Variants in P2RY11 observed in about 807,000 individuals in gnomAD.
P2RY11 encodes the protein purinergic receptor P2Y11.
In P2RY11, 3 loss-of-function variants were observed where a neutral mutation model predicts 2.4. That is an observed-to-expected ratio of 1.22 (90% confidence interval 0.56 to 3.17). The LOEUF (loss-of-function observed/expected upper bound fraction) is 3.17, where lower values mean the gene tolerates loss of function less well. P2RY11 is among the 30% of genes most tolerant of loss of function. The pLI is 0.03. For missense variants in P2RY11, 670 were observed against 528.2 expected (o/e 1.27, Z -2.63); for synonymous variants, 307 against 237.3 (o/e 1.29, Z -2.70).
rs368706939 is a variant in P2RY11 at position 10,114,514 on chromosome 19, G to A, written c.901G>A (p.Val301Met). ...AGCAGCCCTGGAGCTGGGGCCCTAC[G>A]TGGGCTACCAGGTGATGCGGGGCCT... ...ATAALELGPY[V>M]GYQVMRGLMP... The change falls in exon 2 of 2, where the codon GTG becomes ATG. Residue 301 changes from valine (V) to methionine (M), a missense_variant. Physicochemically the swap from Val to Met is conservative, Grantham distance 21 (BLOSUM62 1). Coordinates refer to ENST00000321826, the MANE Select transcript of P2RY11 (RefSeq NM_002566.5). The A allele has an allele frequency of 2.1e-5, 33 of 1,609,162 alleles. No homozygotes were observed. The highest frequency in any genetic ancestry group is 1.3e-4 in the Admixed American group (8 of 59,912).
chr19:10,112,148 C>G (rs112492840), intron 1 of P2RY11: 2 of 178,322 alleles, frequency 1.1e-5, no homozygotes, highest in East Asian at 1.7e-4. Flanking sequence ...TGTGGTGATG[C>G]GAGCCTGTGA....
In P2RY11 at chr19:10,114,126, G is replaced by C. The variant is rs377463873; in HGVS notation, c.513G>C (p.Lys171Asn). ...AMPTLSFSHL[K>N]RPQQGAGNCS... Reference sequence around the variant, plus strand: ...CCACACTCAGCTTCTCCCACCTGAAGAGGCCGCAGCAGGGGGCGGGCAACT... The same window carrying C: ...CCACACTCAGCTTCTCCCACCTGAACAGGCCGCAGCAGGGGGCGGGCAACT... The change falls in exon 2 of 2, where the codon AAG (lysine) becomes AAC (asparagine). Residue 171 changes from lysine (K) to asparagine (N), a missense_variant. By Grantham distance (94) the Lys-to-Asn change is moderately conservative. Coordinates refer to ENST00000321826, the MANE Select transcript of P2RY11 (RefSeq NM_002566.5). 3.1e-5 allele frequency: 50 copies of C among 1,601,120 alleles called. No individual in the cohort carries two copies. Among genetic ancestry groups the C allele is most frequent in the African/African-American group, 2.8e-4 (21 of 75,048 alleles).
rs1003246665 is a variant in P2RY11, at chr19:10,115,266, A to G, written c.*528A>G. 7.3e-6 allele frequency: 9 copies of G among 1,236,412 alleles called. No homozygotes were observed. In the African/African-American group the frequency reaches 1.3e-4, roughly 18 times the overall value. The allele number at this position is 1,236,412 out of a possible 1,614,324, so 76.6% of individuals were successfully genotyped here. A position where few individuals can be genotyped will look rare whatever the true frequency, so the allele number is the denominator to read the frequency against. On this transcript the variant is annotated 3_prime_UTR_variant, in exon 2 of 2. Transcript: ENST00000321826. ...GAAGCGGGCACGGAGCCAGATGGCC[A>G]GTCTCCAGGCCTGGTCCACGGACTG...
At position 10,115,106 on chromosome 19, in the gene P2RY11, C is replaced by T. The variant is rs1384983315; in HGVS notation, c.*368C>T. The stretch of plus-strand genomic sequence containing the variant: ...GGGTCCCGGACCGAGTACACAGTGG[C>T]AGCTGGCTTAGTTGGTGGACGGCCT... On this transcript the variant is annotated 3_prime_UTR_variant, in exon 2 of 2. Coordinates refer to ENST00000321826, the MANE Select transcript of P2RY11 (RefSeq NM_002566.5). 2 of 1,613,996 alleles carry T rather than the reference C, an allele frequency of 1.2e-6. No homozygotes were observed. Among genetic ancestry groups the T allele is most frequent in the African/African-American group, 2.7e-5 (2 of 75,054 alleles).
chr19:10,115,309 A>G lies in P2RY11; in HGVS notation c.*571A>G. ...ACGGACTGGCAGGGACCCCAGGCAC[A>G]AGAGCTGCCACCCCTCTGCCCGGTT... On this transcript the variant is annotated 3_prime_UTR_variant, in exon 2 of 2. Coordinates refer to ENST00000321826, the MANE Select transcript of P2RY11 (RefSeq NM_002566.5). 1.8e-6 allele frequency: 2 copies of G among 1,103,176 alleles called. No individual in the cohort carries two copies. Among genetic ancestry groups the G allele is most frequent in the Non-Finnish European group, 1.3e-6 (1 of 783,376 alleles). The allele number at this position is 1,103,176 out of a possible 1,614,324, so 68.3% of individuals were successfully genotyped here. A position where few individuals can be genotyped will look rare whatever the true frequency, so the allele number is the denominator to read the frequency against.
At position 10,114,737 on chromosome 19, in the gene P2RY11, G is replaced by T. The variant is rs777119222; in HGVS notation, c.1124G>T (p.Ter375LeuextTer11). 1 of 1,600,540 alleles carries T rather than the reference G, an allele frequency of 6.2e-7. No homozygotes were observed. Among genetic ancestry groups the T allele is most frequent in the Non-Finnish European group, 8.5e-7 (1 of 1,171,058 alleles). Residue 375 changes from the stop codon to leucine (L), a stop_lost, in exon 2 of 2, where the codon TGA becomes TTA. Coordinates refer to ENST00000321826, the MANE Select transcript of P2RY11 (RefSeq NM_002566.5). ...CCCCAGTCCCGTGAGCTGAGCCAATGATGTGGCCTAGCGGAAGCTGCCTCC... is the reference window on the plus strand; with the variant it reads ...CCCCAGTCCCGTGAGCTGAGCCAATTATGTGGCCTAGCGGAAGCTGCCTCC... ...SEPQSRELSQ* is the reference protein window; with the variant it reads ...SEPQSRELSQL
chr19:10,113,810 T>C lies in P2RY11; in HGVS notation c.197T>C (p.Val66Ala). The C allele has an allele frequency of 6.2e-7, 1 of 1,613,914 alleles. No individual in the cohort carries two copies. Among genetic ancestry groups the C allele is most frequent in the Non-Finnish European group, 8.5e-7 (1 of 1,179,962 alleles). ...CAGCGCCCATGGCACCCCGCCGTGG[T>C]CTTCTCTGTCCAGCTGGCAGTCAGC... ...RKQRPWHPAVVFSVQLAVSDL... is the reference protein window; with the variant it reads ...RKQRPWHPAVAFSVQLAVSDL... The change falls in exon 2 of 2, where the codon GTC becomes GCC. Residue 66 changes from valine (V) to alanine (A), a missense_variant. Coordinates refer to ENST00000321826, the MANE Select transcript of P2RY11 (RefSeq NM_002566.5).
In P2RY11 at chr19:10,113,678, AACTCAGTGG is replaced by A; in HGVS notation, c.66_74del (p.Leu23_Gly25del). On this transcript the variant is annotated inframe_deletion, in exon 2 of 2. Coordinates refer to ENST00000321826, the MANE Select transcript of P2RY11 (RefSeq NM_002566.5). Reference sequence around the variant, plus strand: ...AACTTCTTGGCAGCTGCCGACGACAAACTCAGTGGGTTCCAGGGGGACTTCCTGTGGCCC... The same window carrying A: ...AACTTCTTGGCAGCTGCCGACGACAAGTTCCAGGGGGACTTCCTGTGGCCC... 2 of 1,582,382 alleles carry A rather than the reference AACTCAGTGG, an allele frequency of 1.3e-6. No homozygotes were observed. The highest frequency in any genetic ancestry group is 8.6e-7 in the Non-Finnish European group (1 of 1,161,642).
chr19:10,114,864 A>G lies in P2RY11; in HGVS notation c.*126A>G, dbSNP rs907342988. The G allele has an allele frequency of 4.1e-6, 6 of 1,462,516 alleles. No individual in the cohort carries two copies. In the African/African-American group the frequency reaches 5.6e-5, roughly 14 times the overall value. The allele number at this position is 1,462,516 out of a possible 1,614,324, so 90.6% of individuals were successfully genotyped here. ...CTGTGCTTGCAGCCAGGTCAGGCCC[A>G]GCTGCAGCCCAGGCAGGAGCAGTCG... On this transcript the variant is annotated 3_prime_UTR_variant, in exon 2 of 2. Transcript: ENST00000321826.
In P2RY11 at chr19:10,113,915, C is replaced by G. The variant is rs181884909; in HGVS notation, c.302C>G (p.Ala101Gly). The change falls in exon 2 of 2, where the codon GCG becomes GGG. Residue 101 changes from alanine (A) to glycine (G), a missense_variant. Ala to Gly is a moderately conservative substitution (Grantham distance 60). Transcript: ENST00000321826. ...PPKHWRYGEA[A>G]CRLERFLFTC... ...AAGCACTGGCGCTATGGGGAGGCCG[C>G]GTGCCGCCTGGAGCGCTTCCTCTTC... The G allele has an allele frequency of 6.2e-7, 1 of 1,605,326 alleles. No homozygotes were observed. The highest frequency in any genetic ancestry group is 1.7e-5 in the Admixed American group (1 of 60,010).
chr19:10,112,464 GC>G (rs768830322), intron 1 of P2RY11: 3 of 152,432 alleles, frequency 2.0e-5, no homozygotes, highest in East Asian at 1.9e-4. Context: ...GGGTAAGCAG[GC>G]CCCCCCATCC....
chr19:10,113,596 GGAATA>G (rs1568490046), intron 1 of P2RY11, 32 bp from the exon 2 acceptor site: 1 of 1,582,510 alleles, frequency 6.3e-7, no homozygotes, highest in East Asian at 2.3e-5. Flanking sequence ...GCCTTATGGG[GGAATA>G]GGGCTCAGCT....
chr19:10,113,676 C>T lies in P2RY11; in HGVS notation c.63C>T (p.Asp21=), dbSNP rs2089167743. 20 of 1,591,500 alleles carry T rather than the reference C, an allele frequency of 1.3e-5. No homozygotes were observed. The highest frequency in any genetic ancestry group is 8.6e-5 in the Admixed American group (5 of 58,060). ...CPANFLAAAD[D]KLSGFQGDFL... is the part of the protein sequence containing the mutation. The stretch of plus-strand genomic sequence containing the variant: ...CCAACTTCTTGGCAGCTGCCGACGA[C>T]AAACTCAGTGGGTTCCAGGGGGACT... The change falls in exon 2 of 2, where the codon GAC becomes GAT. Residue 21 remains aspartate (D), a synonymous_variant. Transcript: ENST00000321826.
chr19:10,112,533 A>G (rs1448851983), intron 1 of P2RY11: 1 of 152,438 alleles, frequency 6.6e-6, no homozygotes, highest in African/African-American at 2.4e-5. Context: ...ATGGGGGAAA[A>G]TAACGCAGGG....
Position 10,115,327 on chromosome 19 carries a change from G to T in P2RY11, c.*589G>T. 8.8e-7 allele frequency: 1 copy of T among 1,130,592 alleles called. No individual in the cohort carries two copies. Among genetic ancestry groups the T allele is most frequent in the Non-Finnish European group, 1.2e-6 (1 of 807,690 alleles). The allele number at this position is 1,130,592 out of a possible 1,614,324, so 70.0% of individuals were successfully genotyped here. On this transcript the variant is annotated 3_prime_UTR_variant, in exon 2 of 2. Coordinates refer to ENST00000321826, the MANE Select transcript of P2RY11 (RefSeq NM_002566.5). ...CAGGCACAAGAGCTGCCACCCCTCT[G>T]CCCGGTTTTGGAAAAAAACAATAAA...
chr19:10,113,675 AC>A lies in P2RY11; in HGVS notation c.63del (p.Asp21GlufsTer60). The A allele has an allele frequency of 1.2e-5, 19 of 1,612,402 alleles. No homozygotes were observed. The highest frequency in any genetic ancestry group is 3.3e-5 in the Admixed American group (2 of 59,778). On this transcript the variant is annotated frameshift_variant, in exon 2 of 2. Coordinates refer to ENST00000321826, the MANE Select transcript of P2RY11 (RefSeq NM_002566.5). LOFTEE classifies it low-confidence loss of function (END_TRUNC). ...GCCAACTTCTTGGCAGCTGCCGACG[AC>A]AAACTCAGTGGGTTCCAGGGGGACT... Reference protein sequence around the residue: ...CPANFLAAADDKLSGFQGDFL... With the variant: ...CPANFLAAADXKLSGFQGDFL...
chr19:10,113,494 A>C (rs2089162296), intron 1 of P2RY11, 139 bp from the exon 2 acceptor site: 4 of 1,275,532 alleles, frequency 3.1e-6, no homozygotes, highest in Non-Finnish European at 4.3e-6. Context: ...CACATAAAGG[A>C]GTGGAGCCCG....
rs1369591592 is a variant in P2RY11 at position 10,113,859 on chromosome 19, G to GC, written c.251dup (p.Leu85AlafsTer122). ...GCGACCTGCTCTGCGCCCTGACGCT[G>GC]CCCCCGCTGGCCGCCTACCTCTATC... On this transcript the variant is annotated frameshift_variant, in exon 2 of 2. Transcript: ENST00000321826. LOFTEE classifies it low-confidence loss of function (END_TRUNC). 1 of 1,611,192 alleles carries GC rather than the reference G, an allele frequency of 6.2e-7. No individual in the cohort carries two copies. Among genetic ancestry groups the GC allele is most frequent in the Admixed American group, 1.7e-5 (1 of 59,908 alleles).
intron 1 of P2RY11, chr19:10,112,017 A>G (rs1390336388): frequency 1.2e-5 from 5 of 401,372 alleles, no homozygotes; most frequent in African/African-American, 8.4e-5. Context: ...GGCTGAGACA[A>G]GAGAATCACT....
Sources: gnomAD v4.1 joint callset for allele counts on GRCh38, gnomAD v4.1.1 for gene constraint, MANE v1.5 for transcripts, NCBI Gene and HGNC (gene_info 2026-07-23, HGNC 2026-07-21) for gene names.